The following CNGB3 variants were observed in gnomAD, a reference collection of about 807,000 sequenced individuals.
The protein encoded by CNGB3 is cyclic nucleotide-gated channel beta-3.
CNGB3 carries 86 observed loss-of-function variants against 92.8 expected under a neutral mutation model. That is an observed-to-expected ratio of 0.93 (90% CI 0.78 to 1.11). CNGB3 has a LOEUF of 1.11. CNGB3 is among the 50% of genes least tolerant of loss of function. The pLI is 0.00. For synonymous variants in CNGB3, 333 were observed against 332.7 expected, an observed-to-expected ratio of 1.00 and a Z score of -0.01; for missense variants, 1,026 against 956.8, an observed-to-expected ratio of 1.07 and a Z score of -0.95.
chr8:86,585,284 C>T (rs1399546274), intron 15 of CNGB3, among the ~76,000 whole-genome samples: 1 of 151,938 alleles, frequency 6.6e-6, no homozygotes, highest in Non-Finnish European at 1.5e-5. Flanking sequence ...ATGCAACAGA[C>T]ATTTATATAC....
chr8:86,621,586 C>A (rs1439855088), intron 13 of CNGB3, among the ~76,000 whole-genome samples: 2 of 151,972 alleles, frequency 1.3e-5, no homozygotes, highest in East Asian at 1.9e-4. Flanking sequence ...AGCAGTGTAC[C>A]CACTGTGTAT....
intron 14 of CNGB3, among the ~76,000 whole-genome samples, chr8:86,605,420 A>T (rs555328099): frequency 1.6e-4 from 24 of 152,244 alleles, no homozygotes; most frequent in African/African-American, 5.5e-4. Context: ...TAGTACCTAC[A>T]TGTCTGAATG....
chr8:86,644,752 T>G, intron 8 of CNGB3, 66 bp from the exon 9 acceptor site: 1 of 1,037,744 alleles, frequency 9.6e-7, no homozygotes, highest in Non-Finnish European at 1.3e-6. Context: ...TAAATAAAAC[T>G]ATATGAAATA....
chr8:86,651,951 T>C (rs538355199), intron 7 of CNGB3, among the ~76,000 whole-genome samples: 2 of 152,082 alleles, frequency 1.3e-5, no homozygotes, highest in South Asian at 2.1e-4. Context: ...GTGAATATCA[T>C]AGCATGTACT....
At chr8:86,582,256 A>G (rs1821802331) in intron 15 of CNGB3, among the ~76,000 whole-genome samples, 1 of 152,020 alleles carries the variant, frequency 6.6e-6, no homozygotes, top group South Asian at 2.1e-4. Flanking sequence ...TTAGCCGGGC[A>G]TAGTGGCATG....
chr8:86,658,897 C>T (rs1823573251), intron 6 of CNGB3: 3 of 802,170 alleles, frequency 3.7e-6, no homozygotes, highest in African/African-American at 1.7e-5. Flanking sequence ...TCCCAGAGCT[C>T]AGCCTTCTGC....
intron 10 of CNGB3, among the ~76,000 whole-genome samples, chr8:86,643,118 T>A (rs1823223000): frequency 6.8e-6 from 1 of 147,838 alleles, no homozygotes; most frequent in African/African-American, 2.5e-5. Context: ...ACACACACAC[T>A]CCCCTACTAT....
At chr8:86,713,994 A>G (rs1462979305) in intron 3 of CNGB3, among the ~76,000 whole-genome samples, 2 of 152,098 alleles carry the variant, frequency 1.3e-5, no homozygotes, top group African/African-American at 2.4e-5. Flanking sequence ...TACCTTTGTG[A>G]CAATCGGTAC....
At chr8:86,723,067 C>T (rs1412979320) in intron 3 of CNGB3, among the ~76,000 whole-genome samples, 2 of 151,958 alleles carry the variant, frequency 1.3e-5, no homozygotes, top group East Asian at 1.9e-4. Context: ...TGTCTCTATT[C>T]CTCTTGGTGT....
intron 15 of CNGB3, chr8:86,593,653 ACC>A (rs549938735): frequency 1.5e-4 from 81 of 528,000 alleles, no homozygotes; most frequent in South Asian, 1.5e-3. Context: ...ACTGAGGTGG[ACC>A]CTAATGGTGT....
intron 13 of CNGB3, among the ~76,000 whole-genome samples, chr8:86,619,609 A>G (rs530460259): frequency 5.9e-5 from 9 of 152,024 alleles, no homozygotes; most frequent in Non-Finnish European, 1.0e-4. Flanking sequence ...AAAAACCTAC[A>G]TGAGATTCAG....
At chr8:86,599,712 C>T (rs899137592) in intron 15 of CNGB3, among the ~76,000 whole-genome samples, 7 of 152,150 alleles carry the variant, frequency 4.6e-5, no homozygotes, top group Admixed American at 2.0e-4. Context: ...CGAGAAAATT[C>T]CCACCTAATA....
In CNGB3 at chr8:86,598,000, TA is replaced by T. The variant is rs1563721257; in HGVS notation, c.1781+6092del. On this transcript the variant is annotated intron_variant, in intron 15 of 17. Transcript: ENST00000320005. ...CTCAAATAAATAAAATAAAATAAAA[TA>T]AAATAAAATTAAAATAAAATAAAAT... Among the ~76,000 whole-genome samples, 887 of 151,284 alleles carry T rather than the reference TA, an allele frequency of 5.9e-3. 7 individuals carry two copies. The highest frequency in any genetic ancestry group is 0.02 in the African/African-American group (823 of 41,170).
intron 15 of CNGB3, among the ~76,000 whole-genome samples, chr8:86,584,476 C>T (rs563397386): frequency 1.6e-4 from 24 of 152,180 alleles, no homozygotes; most frequent in African/African-American, 4.8e-4. Context: ...ACAGGTTACA[C>T]GTTTGGAGTG....
intron 11 of CNGB3, among the ~76,000 whole-genome samples, chr8:86,630,219 A>G (rs1490039686): frequency 6.6e-6 from 1 of 152,054 alleles, no homozygotes; most frequent in Non-Finnish European, 1.5e-5. Flanking sequence ...CAATTCCTAG[A>G]TCTCACTTTT....
chr8:86,708,984 GT>G (rs1217654633), intron 3 of CNGB3, among the ~76,000 whole-genome samples: 1 of 152,188 alleles, frequency 6.6e-6, no homozygotes, highest in African/African-American at 2.4e-5. Flanking sequence ...GAAATAGGGT[GT>G]GGCTGGTCAC....
intron 3 of CNGB3, among the ~76,000 whole-genome samples, 186 bp from the exon 4 acceptor site, chr8:86,671,284 A>T (rs567259141): frequency 1.3e-5 from 2 of 152,304 alleles, no homozygotes; most frequent in African/African-American, 4.8e-5. Flanking sequence ...ATTTGTTATT[A>T]AAAAAATTAG....
chr8:86,659,590 A>C (rs959080648), intron 6 of CNGB3: 16 of 552,496 alleles, frequency 2.9e-5, no homozygotes, highest in South Asian at 2.1e-4. Flanking sequence ...TAGAGACAGC[A>C]GAGAGAGCCC....
intron 2 of CNGB3, among the ~76,000 whole-genome samples, chr8:86,735,893 C>G (rs189395081): frequency 8.4e-4 from 128 of 152,136 alleles, no homozygotes; most frequent in Non-Finnish European, 1.5e-3. Context: ...AACTTTGACC[C>G]ATTTCTACAC....
Sources: allele counts gnomAD v4.1 joint callset (sites outside exome capture counted in the v4.1 genomes callset), GRCh38; gene constraint gnomAD v4.1.1; transcripts MANE v1.5; gene names NCBI Gene and HGNC (gene_info 2026-07-23, HGNC 2026-07-21).